The following CEP290 variants were observed in gnomAD, a reference collection of about 807,000 sequenced individuals.
CEP290 encodes centrosomal protein 290.
A neutral mutation model predicts 344.9 loss-of-function variants in CEP290; 317 were observed. The ratio of observed to expected loss-of-function variants is 0.92; its 90% CI spans 0.84 to 1.01. The LOEUF is 1.01. CEP290 is among the 50% of genes least tolerant of loss of function. The pLI, the probability that CEP290 is intolerant of heterozygous loss-of-function variation, is 0.00. For synonymous variants in CEP290, 932 were observed against 895.8 expected, an observed-to-expected ratio of 1.04 and a Z score of -0.72; for missense variants, 2,754 against 2,761.4, an observed-to-expected ratio of 1.00 and a Z score of 0.06.
chr12:88,135,251 A>T (rs2040291706), intron 6 of CEP290, among the ~76,000 whole-genome samples: 1 of 152,158 alleles, frequency 6.6e-6, no homozygotes, highest in Non-Finnish European at 1.5e-5. Flanking sequence ...GAGCAGCCAA[A>T]AAGGAACACA....
intron 13 of CEP290, among the ~76,000 whole-genome samples, chr12:88,123,153 A>T (rs2039516432): frequency 6.6e-6 from 1 of 152,072 alleles, no homozygotes; most frequent in Non-Finnish European, 1.5e-5. Context: ...TTGCATTCTT[A>T]AAAATATTAT....
chr12:88,083,034 A>G lies in CEP290; in HGVS notation c.5009T>C (p.Leu1670Ser). Residue 1670 changes from leucine (L) to serine (S), a missense_variant, in exon 37 of 54, where the codon TTA (leucine) becomes TCA (serine). By Grantham distance (145) the Leu-to-Ser change is moderately radical. Transcript: ENST00000552810. The stretch of plus-strand genomic sequence containing the variant: ...ACAATACATTTCGAAGACTTACTGT[A>G]ATTTGATATTTTCAAATTCTTTTAC... Reference protein sequence around the residue: ...LKVKEFENIKLQLQENHEDEV... With the variant: ...LKVKEFENIKSQLQENHEDEV... 1.4e-6 allele frequency: 2 copies of G among 1,472,680 alleles called. No homozygotes were observed. The highest frequency in any genetic ancestry group is 1.8e-6 in the Non-Finnish European group (2 of 1,089,370). The allele number at this position is 1,472,680 out of a possible 1,614,324, so 91.2% of individuals were successfully genotyped here. A position where few individuals can be genotyped will look rare whatever the true frequency, so the allele number is the denominator to read the frequency against.
At chr12:88,053,154 A>AT (rs1243820572) in intron 52 of CEP290, among the ~76,000 whole-genome samples, 1 of 152,192 alleles carries the variant, frequency 6.6e-6, no homozygotes, top group Non-Finnish European at 1.5e-5. Flanking sequence ...CATATGTGTG[A>AT]TATATATGTA....
chr12:88,073,720 C>A (rs2035555564), intron 41 of CEP290, among the ~76,000 whole-genome samples: 1 of 151,636 alleles, frequency 6.6e-6, no homozygotes, highest in African/African-American at 2.4e-5. Context: ...TTGTTTGAGC[C>A]CAGAGTTCAA....
intron 15 of CEP290, 71 bp downstream of exon 15, chr12:88,120,043 C>A: frequency 2.0e-6 from 2 of 982,820 alleles, no homozygotes; most frequent in South Asian, 2.5e-5. Context: ...TAATAATAAA[C>A]AAAATTTAAA....
chr12:88,094,603 G>A (rs2037294581), intron 27 of CEP290, among the ~76,000 whole-genome samples: 1 of 151,936 alleles, frequency 6.6e-6, no homozygotes, highest in African/African-American at 2.4e-5. Flanking sequence ...TGGCTAAATG[G>A]AAAGAGAACT....
intron 17 of CEP290, among the ~76,000 whole-genome samples, chr12:88,118,104 G>C (rs1045461323): frequency 6.6e-6 from 1 of 151,456 alleles, no homozygotes; most frequent in Non-Finnish European, 1.5e-5. Flanking sequence ...TAGTCCTTAA[G>C]GAAAGGGAAA....
At chr12:88,061,180 A>C (rs187724492) in intron 46 of CEP290, among the ~76,000 whole-genome samples, 186 bp from the exon 47 acceptor site, 4 of 152,328 alleles carry the variant, frequency 2.6e-5, no homozygotes, top group African/African-American at 7.2e-5. Context: ...AAATACAAGA[A>C]AACCAAGACT....
At chr12:88,052,715 TA>T (rs1284468738) in intron 52 of CEP290, among the ~76,000 whole-genome samples, 3 of 152,128 alleles carry the variant, frequency 2.0e-5, no homozygotes, top group African/African-American at 7.2e-5. Flanking sequence ...TCTTAAATCC[TA>T]AAGATAACTC....
intron 34 of CEP290, among the ~76,000 whole-genome samples, chr12:88,085,183 ATTTCT>A (rs1185287716): frequency 6.6e-6 from 1 of 152,074 alleles, no homozygotes; most frequent in Non-Finnish European, 1.5e-5. Context: ...GTAATAAATT[ATTTCT>A]TTTATTTTGG....
rs751408783 is a variant in CEP290 at position 88,084,593 on chromosome 12, G to A, written c.4697C>T (p.Ala1566Val). Residue 1566 changes from alanine (A) to valine (V), a missense_variant, in exon 35 of 54, where the codon GCC (alanine) becomes GTC (valine). Ala to Val is a moderately conservative substitution (Grantham distance 64, BLOSUM62 0). Transcript: ENST00000552810. ...CATAATATAATAAAATACCTCTCTG[G>A]CTTTTTCTAGAAGACGTTGATACTT... is the stretch of plus-strand genomic sequence containing the variant. The part of the protein sequence containing the change: ...LKKYQRLLEK[A>V]REEQREIVKK... The A allele has an allele frequency of 2.5e-6, 4 of 1,608,570 alleles. No homozygotes were observed. The highest frequency in any genetic ancestry group is 2.2e-5 in the East Asian group (1 of 44,822).
At position 88,077,240 on chromosome 12, in the gene CEP290, T is replaced by C; in HGVS notation, c.5691A>G (p.Leu1897=). ...QLEGKVEEVD[L]KPMKEKNAKE... ...CACATACCTTTTCTTTCATAGGTTT[T>C]AGGTCTACTTCCTCCACCTTTCCCT... The change falls in exon 41 of 54, where the codon CTA becomes CTG. Residue 1897 remains leucine (L), a synonymous_variant. Coordinates refer to ENST00000552810, the MANE Select transcript of CEP290 (RefSeq NM_025114.4). 6.2e-7 allele frequency: 1 copy of C among 1,604,342 alleles called. No homozygotes were observed.
At chr12:88,090,327 CT>C (rs2036928256) in intron 30 of CEP290, among the ~76,000 whole-genome samples, 1 of 152,140 alleles carries the variant, frequency 6.6e-6, no homozygotes, top group East Asian at 1.9e-4. Context: ...GTTGGTATAT[CT>C]TTTGATTAAA....
In CEP290 at chr12:88,096,821, A is replaced by C. The variant is rs562548150; in HGVS notation, c.3103+67T>G. ...CCTTTTAATCTAGCATAAAAAAGGA[A>C]CTTTAAATAAGAAATATTCATTATT... On this transcript the variant is annotated intron_variant, in intron 27 of 53. Coordinates refer to ENST00000552810, the MANE Select transcript of CEP290 (RefSeq NM_025114.4). 3.9e-5 allele frequency: 31 copies of C among 802,822 alleles called. No homozygotes were observed. In the East Asian group the frequency reaches 9.0e-4, roughly 23 times the overall value. The allele number at this position is 802,822 out of a possible 1,614,324, so 49.7% of individuals were successfully genotyped here.
chr12:88,136,926 G>A, intron 5 of CEP290, 140 bp from the exon 6 acceptor site: 5 of 802,192 alleles, frequency 6.2e-6, no homozygotes, highest in Non-Finnish European at 7.7e-6. Flanking sequence ...ATTAGCTTAA[G>A]AACTTTTTTT....
chr12:88,115,502 T>C, intron 18 of CEP290: 1 of 1,299,476 alleles, frequency 7.7e-7, no homozygotes. Context: ...TTCTGTGATG[T>C]TCAAGCTCTA....
At position 88,111,455 on chromosome 12, in the gene CEP290, C is replaced by G; in HGVS notation, c.2218-104G>C. On this transcript the variant is annotated intron_variant, in intron 21 of 53. Transcript: ENST00000552810. ...TGCCAGGAATTTTACCTCAACCATA[C>G]TTCAGTTTCTGCTTAGAAATGCCTA... 2.7e-6 allele frequency: 3 copies of G among 1,127,306 alleles called. No individual in the cohort carries two copies. The South Asian group carries it at 5.2e-5, about 19-fold the overall frequency. 69.8% of individuals were successfully genotyped at this position (1,127,306 alleles called of 1,614,324 possible). A position where few individuals can be genotyped will look rare whatever the true frequency, so the allele number is the denominator to read the frequency against.
chr12:88,069,245 C>T (rs767819958), intron 43 of CEP290, among the ~76,000 whole-genome samples: 15 of 152,222 alleles, frequency 9.9e-5, no homozygotes, highest in Non-Finnish European at 1.2e-4. Flanking sequence ...TAGGGTTCTC[C>T]TCTTTGATAT....
chr12:88,087,155 C>A (rs1273510719), intron 32 of CEP290, among the ~76,000 whole-genome samples: 2 of 152,098 alleles, frequency 1.3e-5, no homozygotes, highest in Admixed American at 1.3e-4. Context: ...GAAGTATATA[C>A]TTTATTCTAT....
Sources: gnomAD v4.1 joint callset for allele counts (sites outside exome capture counted in the v4.1 genomes callset) on GRCh38, gnomAD v4.1.1 for gene constraint, MANE v1.5 for transcripts, NCBI Gene and HGNC (gene_info 2026-07-23, HGNC 2026-07-21) for gene names.